The following RBPJ variants were observed in gnomAD, a reference collection of about 807,000 sequenced individuals.
RBPJ encodes the protein recombination signal binding protein for immunoglobulin kappa J region.
In RBPJ, 9 loss-of-function variants were observed where a neutral mutation model predicts 67.8. The ratio of observed to expected loss-of-function variants is 0.13; its 90% CI spans 0.08 to 0.23. RBPJ has a LOEUF of 0.23. RBPJ is among the 10% of genes least tolerant of loss of function. The pLI is 1.00. For synonymous variants in RBPJ, 198 were observed against 203.3 expected (o/e 0.97, Z 0.22); for missense variants, 305 against 595.6 (o/e 0.51, Z 5.08).
At chr4:26,319,998 C>A (rs528749401), upstream of RBPJ, 2 of 932,360 alleles carry the variant, frequency 2.1e-6, no homozygotes, top group Non-Finnish European at 1.6e-6. Context: ...GCGATTCGGG[C>A]AGCCGGCAGC....
At chr4:26,298,059 G>A (rs1163595426) in intron 1 of RBPJ, among the ~76,000 whole-genome samples, 3 of 152,090 alleles carry the variant, frequency 2.0e-5, no homozygotes, top group African/African-American at 7.2e-5. Flanking sequence ...TGATTTCCAT[G>A]AAACGGATTA....
chr4:26,383,648 C>T (rs538652713), intron 1 of RBPJ, among the ~76,000 whole-genome samples: 1 of 152,120 alleles, frequency 6.6e-6, no homozygotes, highest in Admixed American at 6.5e-5. Context: ...CTTTTGTACA[C>T]TATTCTATAT....
intron 5 of RBPJ, among the ~76,000 whole-genome samples, chr4:26,422,274 C>T (rs571420270): frequency 6.6e-6 from 1 of 151,964 alleles, no homozygotes; most frequent in South Asian, 2.1e-4. Context: ...GTCTATTCCA[C>T]CCATAAAGTT....
intron 1 of RBPJ, among the ~76,000 whole-genome samples, chr4:26,257,568 G>A (rs964417820): frequency 5.9e-5 from 9 of 152,212 alleles, no homozygotes; most frequent in African/African-American, 1.9e-4. Context: ...GGTGGAGCTT[G>A]CAGTGAGCCA....
chr4:26,324,763 A>T (rs1208692450), intron 1 of RBPJ, among the ~76,000 whole-genome samples: 1 of 152,124 alleles, frequency 6.6e-6, no homozygotes, highest in Non-Finnish European at 1.5e-5. Context: ...TCCTGACCTC[A>T]AGGGATCTGC....
At chr4:26,331,948 C>T (rs75680037) in intron 1 of RBPJ, among the ~76,000 whole-genome samples, 1,578 of 152,294 alleles carry the variant, frequency 0.01, 14 homozygotes, top group Non-Finnish European at 0.017. Flanking sequence ...GAAAGATGAT[C>T]TGGTTTATGA....
chr4:26,198,422 T>A (rs1197875838), intron 1 of RBPJ, among the ~76,000 whole-genome samples: 1 of 152,162 alleles, frequency 6.6e-6, no homozygotes, highest in Non-Finnish European at 1.5e-5. Flanking sequence ...TCTAGAATGG[T>A]GCCTGGCACA....
intron 1 of RBPJ, among the ~76,000 whole-genome samples, chr4:26,376,484 A>G (rs57899161): frequency 0.035 from 5,253 of 152,258 alleles, 257 homozygotes; most frequent in African/African-American, 0.11. Context: ...ATCATATCCC[A>G]TCATATGTAT....
At chr4:26,257,990 G>A (rs1720399286) in intron 1 of RBPJ, among the ~76,000 whole-genome samples, 1 of 152,216 alleles carries the variant, frequency 6.6e-6, no homozygotes, top group Non-Finnish European at 1.5e-5. Flanking sequence ...AACATAATCT[G>A]TAAATTACTA....
At chr4:26,151,109 A>T in the RBPJ span, among the ~76,000 whole-genome samples, 1 of 152,204 alleles carries the variant, frequency 6.6e-6, no homozygotes, top group Admixed American at 6.5e-5. Context: ...TACGGAAATG[A>T]TACCAAATGG....
At chr4:26,202,441 T>A in intron 1 of RBPJ, among the ~76,000 whole-genome samples, 1 of 151,964 alleles carries the variant, frequency 6.6e-6, no homozygotes. Flanking sequence ...ACCTGATCTT[T>A]CCTTCCCCCC....
intron 3 of RBPJ, chr4:26,409,956 T>C (rs901597923): frequency 2.9e-5 from 12 of 416,800 alleles, no homozygotes; most frequent in African/African-American, 2.3e-4. Context: ...TACTGATTTG[T>C]ATTGTTAAAA....
At chr4:26,216,126 C>T (rs1158123927) in intron 1 of RBPJ, among the ~76,000 whole-genome samples, 1 of 152,190 alleles carries the variant, frequency 6.6e-6, no homozygotes, top group Admixed American at 6.5e-5. Flanking sequence ...TCTGCAGCCA[C>T]CATCACATGG....
intron 1 of RBPJ, among the ~76,000 whole-genome samples, chr4:26,267,416 G>A (rs1276397658): frequency 6.6e-6 from 1 of 152,056 alleles, no homozygotes; most frequent in Non-Finnish European, 1.5e-5. Context: ...AAAGAGAAAA[G>A]CAACTTGTAG....
chr4:26,341,461 A>G (rs1216193867), intron 1 of RBPJ, among the ~76,000 whole-genome samples: 1 of 152,024 alleles, frequency 6.6e-6, no homozygotes, highest in Non-Finnish European at 1.5e-5. Context: ...TAAAAATACA[A>G]AAATTAGCTG....
At chr4:26,179,524 G>A (rs1445473080) in intron 1 of RBPJ, among the ~76,000 whole-genome samples, 2 of 151,970 alleles carry the variant, frequency 1.3e-5, no homozygotes, top group African/African-American at 4.8e-5. Flanking sequence ...GTAATGTAAT[G>A]AGTGTGATCT....
chr4:26,360,595 CTTT>C (rs11393982), intron 1 of RBPJ, among the ~76,000 whole-genome samples: 3 of 133,752 alleles, frequency 2.2e-5, no homozygotes, highest in African/African-American at 2.8e-5. Flanking sequence ...TTCATAGGTG[CTTT>C]TTTTTTTTTT....
At chr4:26,121,965 T>G in the RBPJ span, among the ~76,000 whole-genome samples, 1 of 150,626 alleles carries the variant, frequency 6.6e-6, no homozygotes, top group African/African-American at 2.4e-5. Flanking sequence ...AGAAACACAT[T>G]CCATTGTTGA....
At chr4:26,190,395 C>T (rs1717436723) in intron 1 of RBPJ, among the ~76,000 whole-genome samples, 1 of 152,186 alleles carries the variant, frequency 6.6e-6, no homozygotes, top group Non-Finnish European at 1.5e-5. Flanking sequence ...CTTGGATTAA[C>T]AATTACATGA....
Sources: allele counts gnomAD v4.1 joint callset (sites outside exome capture counted in the v4.1 genomes callset), GRCh38; gene constraint gnomAD v4.1.1; transcripts MANE v1.5; gene names NCBI Gene and HGNC (gene_info 2026-07-23, HGNC 2026-07-21).